RBFOX1: variants seen among roughly 807,000 people sequenced by gnomAD.
RBFOX1 encodes RNA binding protein fox-1 homolog 1.
Under a neutral mutation model 57.7 loss-of-function variants are expected in RBFOX1, and 8 were observed. The ratio of observed to expected loss-of-function variants is 0.14; its 90% CI spans 0.08 to 0.25. RBFOX1 has a LOEUF of 0.25. Ranked by LOEUF, RBFOX1 falls within the 10% of genes least tolerant of loss-of-function variation. The pLI is 1.00. For synonymous variants in RBFOX1, 326 were observed against 222.4 expected (o/e 1.47, Z -4.15); for missense variants, 611 against 548.5 (o/e 1.11, Z -1.14).
intron 1 of RBFOX1, among the ~76,000 whole-genome samples, chr16:5,279,570 TG>T (rs2063221669): frequency 6.6e-6 from 1 of 152,156 alleles, no homozygotes; most frequent in Admixed American, 6.5e-5. Context: ...GGTGCAATCT[TG>T]GCTCACTGCA....
At chr16:5,358,773 G>A (rs1198768822) in intron 1 of RBFOX1, among the ~76,000 whole-genome samples, 2 of 152,322 alleles carry the variant, frequency 1.3e-5, no homozygotes, top group East Asian at 3.9e-4. Context: ...GTTGCGGTGA[G>A]CCGAGATCGC....
intron 4 of RBFOX1, among the ~76,000 whole-genome samples, chr16:5,999,287 C>T (rs919565886): frequency 4.6e-5 from 7 of 152,192 alleles, no homozygotes; most frequent in Non-Finnish European, 1.0e-4. Context: ...AGAATTCCCC[C>T]TCATGCTTCT....
At chr16:7,321,596 G>A (rs975885367) in intron 4 of RBFOX1, among the ~76,000 whole-genome samples, 2 of 152,208 alleles carry the variant, frequency 1.3e-5, no homozygotes, top group Admixed American at 1.3e-4. Context: ...TTTCCTCACA[G>A]TAATATGAAG....
chr16:5,734,729 A>G (rs2151572085), intron 3 of RBFOX1, among the ~76,000 whole-genome samples: 1 of 152,286 alleles, frequency 6.6e-6, no homozygotes, highest in East Asian at 1.9e-4. Context: ...GCTGGCTTCC[A>G]TCTCATACAC....
intron 2 of RBFOX1, among the ~76,000 whole-genome samples, chr16:6,529,761 C>T (rs546304104): frequency 3.4e-4 from 51 of 152,126 alleles, no homozygotes; most frequent in African/African-American, 1.1e-3. Context: ...TTCTACAAAA[C>T]GCCAAGTTGT....
intron 2 of RBFOX1, among the ~76,000 whole-genome samples, chr16:6,389,164 A>T: frequency 6.6e-6 from 1 of 152,206 alleles, no homozygotes; most frequent in East Asian, 1.9e-4. Context: ...GAGGACTCAG[A>T]TGATGCATGC....
intron 4 of RBFOX1, among the ~76,000 whole-genome samples, chr16:7,064,589 C>G (rs1474587714): frequency 6.6e-6 from 1 of 152,118 alleles, no homozygotes; most frequent in Non-Finnish European, 1.5e-5. Context: ...AAGAAACCAA[C>G]CCCCCTGACA....
chr16:7,319,539 G>A (rs554219763), intron 4 of RBFOX1, among the ~76,000 whole-genome samples: 85 of 152,244 alleles, frequency 5.6e-4, no homozygotes, highest in Middle Eastern at 3.4e-3. Context: ...GCATGGCTCT[G>A]CAGCAGTGGG....
chr16:5,310,543 T>TA (rs1390280522), intron 1 of RBFOX1, among the ~76,000 whole-genome samples: 2 of 152,182 alleles, frequency 1.3e-5, no homozygotes, highest in Non-Finnish European at 2.9e-5. Context: ...GAGGGGGTGA[T>TA]AATTGTACCT....
chr16:7,002,545 C>T (rs1012682985), intron 3 of RBFOX1, among the ~76,000 whole-genome samples: 10 of 152,058 alleles, frequency 6.6e-5, no homozygotes, highest in African/African-American at 2.4e-4. Context: ...AACCCCGTCT[C>T]TACTAAAAAT....
At chr16:5,343,735 G>T (rs1183147580) in intron 1 of RBFOX1, among the ~76,000 whole-genome samples, 2 of 152,202 alleles carry the variant, frequency 1.3e-5, no homozygotes, top group Non-Finnish European at 2.9e-5. Context: ...TGGTGACTAT[G>T]TCCGTATGTA....
chr16:7,514,775 C>T (rs1158036883), intron 4 of RBFOX1, among the ~76,000 whole-genome samples: 3 of 152,194 alleles, frequency 2.0e-5, no homozygotes, highest in Admixed American at 1.3e-4. Context: ...ACCCTTCTCT[C>T]TTCAATACAG....
intron 4 of RBFOX1, among the ~76,000 whole-genome samples, chr16:7,253,342 A>G (rs915766536): frequency 6.6e-6 from 1 of 152,008 alleles, no homozygotes; most frequent in Non-Finnish European, 1.5e-5. Flanking sequence ...GAGCGGAGAC[A>G]TGTCAGGCTT....
intron 1 of RBFOX1, among the ~76,000 whole-genome samples, chr16:6,211,001 G>C (rs2097293099): frequency 6.6e-6 from 1 of 152,092 alleles, no homozygotes; most frequent in Admixed American, 6.5e-5. Context: ...GCTGAACCAA[G>C]TAGAGGGAAG....
chr16:5,386,591 C>G (rs2066264445), intron 1 of RBFOX1, among the ~76,000 whole-genome samples: 1 of 152,144 alleles, frequency 6.6e-6, no homozygotes, highest in African/African-American at 2.4e-5. Flanking sequence ...CTCTCTTAAC[C>G]CTTGTGTGAC....
intron 3 of RBFOX1, among the ~76,000 whole-genome samples, chr16:6,980,453 T>C (rs1223060256): frequency 6.6e-6 from 1 of 152,206 alleles, no homozygotes; most frequent in East Asian, 1.9e-4. Flanking sequence ...AGCAAAAAAC[T>C]TGTCTTCTTA....
chr16:6,758,830 C>G (rs2076188607), intron 3 of RBFOX1, among the ~76,000 whole-genome samples: 1 of 152,110 alleles, frequency 6.6e-6, no homozygotes, highest in South Asian at 2.1e-4. Flanking sequence ...GAAACTTTAA[C>G]TCTGGGTAAT....
At chr16:6,738,005 G>T (rs1384932024) in intron 3 of RBFOX1, among the ~76,000 whole-genome samples, 1 of 150,992 alleles carries the variant, frequency 6.6e-6, no homozygotes, top group African/African-American at 2.4e-5. Context: ...ATTGCCACTG[G>T]GAATAATAAT....
intron 2 of RBFOX1, among the ~76,000 whole-genome samples, chr16:6,601,101 G>C (rs527379448): frequency 6.6e-6 from 1 of 152,308 alleles, no homozygotes; most frequent in South Asian, 2.1e-4. Flanking sequence ...ACAGCTTAGG[G>C]ATTTAAGTAA....
Sources: gnomAD v4.1 joint callset for allele counts (sites outside exome capture counted in the v4.1 genomes callset) on GRCh38, gnomAD v4.1.1 for gene constraint, MANE v1.5 for transcripts, NCBI Gene and HGNC (gene_info 2026-07-23, HGNC 2026-07-21) for gene names.